Variants in OXR1 observed in about 807,000 individuals in gnomAD.
OXR1 encodes oxidation resistance protein 1.
A neutral mutation model predicts 104.6 loss-of-function variants in OXR1; 41 were observed. That is an observed-to-expected ratio of 0.39 (90% CI 0.31 to 0.51). OXR1 has a LOEUF of 0.51. OXR1 is among the 20% of genes least tolerant of loss of function. The probability of loss-of-function intolerance (pLI) is 0.77; values close to 1 mark genes in which losing one functional copy is unlikely to be tolerated. For synonymous variants in OXR1, 348 were observed against 348.4 expected (o/e 1.00, Z 0.01); for missense variants, 955 against 1,031.9 (o/e 0.93, Z 1.02).
At chr8:106,419,947 T>C (rs1256522898) in intron 2 of OXR1, among the ~76,000 whole-genome samples, 7 of 152,128 alleles carry the variant, frequency 4.6e-5, no homozygotes, top group Admixed American at 1.3e-4. Context: ...GGGTTGAAAC[T>C]GAGCTTTTAG....
chr8:106,300,890 T>C lies in OXR1; in HGVS notation c.-139+30523T>C, dbSNP rs73701106. ...TTCATACACTGCCTTCCAGGGTATA[T>C]TTCTGCAGAAATTAGTTGGACAATG... On this transcript the variant is annotated intron_variant, in intron 1 of 16. Coordinates refer to ENST00000517566, the MANE Select transcript of OXR1 (RefSeq NM_001198533.2). 5.3e-3 allele frequency among the ~76,000 whole-genome samples: 808 copies of C among 152,350 alleles called. 9 individuals are homozygous for C. Among genetic ancestry groups the C allele is most frequent in the African/African-American group, 0.019 (771 of 41,582 alleles).
intron 2 of OXR1, among the ~76,000 whole-genome samples, chr8:106,376,565 C>T (rs1215211086): frequency 6.6e-6 from 1 of 152,158 alleles, no homozygotes; most frequent in Non-Finnish European, 1.5e-5. Context: ...ATTGGCCTAA[C>T]ATTACTTTCT....
At chr8:106,465,217 A>C (rs1328305129) in intron 2 of OXR1, among the ~76,000 whole-genome samples, 1 of 151,962 alleles carries the variant, frequency 6.6e-6, no homozygotes, top group African/African-American at 2.4e-5. Context: ...CTGCGAGATG[A>C]GCATTCCCAG....
intron 2 of OXR1, among the ~76,000 whole-genome samples, chr8:106,361,817 T>C (rs1563736996): frequency 6.6e-6 from 1 of 152,172 alleles, no homozygotes; most frequent in Non-Finnish European, 1.5e-5. Context: ...ATGGGAAAAT[T>C]AACTGGGTTG....
At chr8:106,748,921 T>C (rs1183471976) in intron 16 of OXR1, among the ~76,000 whole-genome samples, 1 of 152,148 alleles carries the variant, frequency 6.6e-6, no homozygotes, top group African/African-American at 2.4e-5. Flanking sequence ...CCTTCTCTAC[T>C]TAGAAACACA....
chr8:106,536,229 AGAAAG>A (rs1216302115), intron 3 of OXR1, among the ~76,000 whole-genome samples: 7 of 18,652 alleles, frequency 3.8e-4, no homozygotes, highest in South Asian at 1.8e-3. Flanking sequence ...CAAAAAAAAA[AGAAAG>A]AAAGAAAGAA....
intron 3 of OXR1, chr8:106,580,830 G>A (rs1387204971): frequency 2.4e-5 from 5 of 205,674 alleles, no homozygotes; most frequent in Non-Finnish European, 3.4e-5. Flanking sequence ...AATATTTTGT[G>A]AGCAAAAATG....
At chr8:106,333,042 A>T (rs972965525) in intron 1 of OXR1, among the ~76,000 whole-genome samples, 2 of 152,134 alleles carry the variant, frequency 1.3e-5, no homozygotes, top group African/African-American at 4.8e-5. Context: ...TTATCCATTT[A>T]TCAATTGATA....
intron 11 of OXR1, among the ~76,000 whole-genome samples, chr8:106,722,138 A>G (rs915006238): frequency 6.6e-6 from 1 of 152,136 alleles, no homozygotes; most frequent in Non-Finnish European, 1.5e-5. Context: ...TTCTATTATT[A>G]TTAAGGTACA....
At chr8:106,522,745 C>A (rs1813352658) in intron 3 of OXR1, 1 of 152,154 alleles carries the variant, frequency 6.6e-6, no homozygotes, top group Non-Finnish European at 1.5e-5. Flanking sequence ...AGAGAGAAAC[C>A]AAATCTTGTC....
In OXR1 at chr8:106,751,096, T is replaced by TA; in HGVS notation, c.*155_*156insA. The TA allele has an allele frequency of 1.8e-6, 1 of 551,832 alleles. No homozygotes were observed. The highest frequency in any genetic ancestry group is 3.0e-6 in the Non-Finnish European group (1 of 331,674). 34.2% of individuals were successfully genotyped at this position (551,832 alleles called of 1,614,324 possible). On this transcript the variant is annotated 3_prime_UTR_variant, in exon 17 of 17. Transcript: ENST00000517566. ...ATTACAGTTATAATTTTGGAGTTTA[T>TA]TTTTCAAATCATGTTCTTGTCCCAG...
chr8:106,290,681 A>G (rs1812709721), intron 1 of OXR1, among the ~76,000 whole-genome samples: 1 of 152,176 alleles, frequency 6.6e-6, no homozygotes, highest in Admixed American at 6.5e-5. Flanking sequence ...TGGCCAACAC[A>G]CATATGAAAA....
At chr8:106,741,313 C>A (rs1409533018) in intron 14 of OXR1, among the ~76,000 whole-genome samples, 1 of 152,158 alleles carries the variant, frequency 6.6e-6, no homozygotes, top group East Asian at 1.9e-4. Flanking sequence ...AAAGTTTTAT[C>A]AGTGGGCCAA....
At chr8:106,606,249 T>C (rs752913646) in intron 3 of OXR1, among the ~76,000 whole-genome samples, 1 of 151,926 alleles carries the variant, frequency 6.6e-6, no homozygotes, top group Non-Finnish European at 1.5e-5. Flanking sequence ...GCCAGCAATG[T>C]CCCAGCAAGT....
At chr8:106,704,361 T>C (rs1830902042) in intron 8 of OXR1, among the ~76,000 whole-genome samples, 1 of 150,784 alleles carries the variant, frequency 6.6e-6, no homozygotes, top group African/African-American at 2.4e-5. Context: ...TGTCCTCCTT[T>C]TCTTTCTTTT....
chr8:106,398,526 A>G (rs185131578), intron 2 of OXR1, among the ~76,000 whole-genome samples: 2 of 152,182 alleles, frequency 1.3e-5, no homozygotes, highest in Non-Finnish European at 2.9e-5. Flanking sequence ...AGTGATCACA[A>G]CCCTTTCTAT....
intron 2 of OXR1, among the ~76,000 whole-genome samples, chr8:106,361,727 A>T (rs1816254266): frequency 6.6e-6 from 1 of 152,140 alleles, no homozygotes; most frequent in South Asian, 2.1e-4. Context: ...CATTACATTA[A>T]TTTAGTTAAG....
intron 3 of OXR1, among the ~76,000 whole-genome samples, chr8:106,665,933 T>A (rs189231179): frequency 1.6e-4 from 24 of 152,186 alleles, no homozygotes; most frequent in Admixed American, 1.6e-3. Context: ...ACACAGTTAT[T>A]CCTTATAGTG....
At chr8:106,533,445 A>T (rs919383995) in intron 3 of OXR1, among the ~76,000 whole-genome samples, 2 of 151,984 alleles carry the variant, frequency 1.3e-5, no homozygotes, top group Non-Finnish European at 2.9e-5. Context: ...GCAGGAGAAG[A>T]CTCTTTATTC....
Sources: gnomAD v4.1 joint callset for allele counts (sites outside exome capture counted in the v4.1 genomes callset) on GRCh38, gnomAD v4.1.1 for gene constraint, MANE v1.5 for transcripts, NCBI Gene and HGNC (gene_info 2026-07-23, HGNC 2026-07-21) for gene names.